NLRC5: variants seen among roughly 807,000 people sequenced by gnomAD.
The protein encoded by NLRC5 is NLR family CARD domain containing 5.
NLRC5 carries 114 observed loss-of-function variants against 206.9 expected under a neutral mutation model. The observed-to-expected ratio is 0.55, with a 90% confidence interval of 0.47 to 0.64. The LOEUF (loss-of-function observed/expected upper bound fraction) is 0.64, where lower values mean the gene tolerates loss of function less well. Among genes scored for constraint, NLRC5 ranks in the 30% least tolerant of loss-of-function variants. NLRC5 has a pLI of 0.00. For missense variants in NLRC5, 2,008 were observed against 2,305.5 expected (o/e 0.87, Z 2.64); for synonymous variants, 952 against 962.8 (o/e 0.99, Z 0.21).
intron 1 of NLRC5, among the ~76,000 whole-genome samples, chr16:57,008,303 G>A (rs781752140): frequency 1.3e-4 from 20 of 151,984 alleles, no homozygotes; most frequent in African/African-American, 3.4e-4. Flanking sequence ...CTTTTTTGTC[G>A]TGAAACATAA....
chr16:57,067,125 G>A (rs2067162157), intron 34 of NLRC5, among the ~76,000 whole-genome samples: 1 of 152,144 alleles, frequency 6.6e-6, no homozygotes, highest in Non-Finnish European at 1.5e-5. Context: ...TACATTCTGG[G>A]AAATAGAGCA....
Position 57,055,074 on chromosome 16 carries a change from G to C in NLRC5, c.3639G>C (p.Glu1213Asp). The change falls in exon 26 of 49, where the codon GAG becomes GAC. Residue 1213 changes from glutamate to aspartate, a missense_variant. By Grantham distance (45) the Glu-to-Asp change is conservative. Transcript: ENST00000688547. Reference protein sequence around the residue: ...HATLHFRSNEEEEGVCCGRFT... With the variant: ...HATLHFRSNEDEEGVCCGRFT... ...CTTTGCACTTCAGATCCAACGAGGA[G>C]GAGGAAGGCGTGTGCTGTGGGTAAG... 6.2e-7 allele frequency: 1 copy of C among 1,614,240 alleles called. No homozygotes were observed.
In NLRC5 at chr16:57,067,803, T is replaced by G. The variant is rs1363229374; in HGVS notation, c.4474T>G (p.Ser1492Ala). The change falls in exon 36 of 49, where the codon TCC becomes GCC. Residue 1492 changes from serine to alanine, a missense_variant. Transcript: ENST00000688547. Reference sequence around the variant, plus strand: ...CCTGCTGCTGCAGAGCCTCCTGCTGTCCCTCTCTGAGCTGAAGACATTTCG... The same window carrying G: ...CCTGCTGCTGCAGAGCCTCCTGCTGGCCCTCTCTGAGCTGAAGACATTTCG... ...SSLLLQSLLL[S>A]LSELKTFRLT... The G allele has an allele frequency of 6.2e-7, 1 of 1,614,022 alleles. No homozygotes were observed. Among genetic ancestry groups the G allele is most frequent in the Non-Finnish European group, 8.5e-7 (1 of 1,179,970 alleles).
intron 47 of NLRC5, 166 bp from the exon 48 acceptor site, chr16:57,081,361 C>A: frequency 1.1e-6 from 1 of 884,530 alleles, no homozygotes; most frequent in Non-Finnish European, 1.8e-6. Flanking sequence ...TTCAGCCTTC[C>A]TGCTGCACCT....
intron 45 of NLRC5, 119 bp downstream of exon 45, chr16:57,079,411 G>T: frequency 1.4e-6 from 2 of 1,387,640 alleles, no homozygotes; most frequent in Non-Finnish European, 2.0e-6. Context: ...GGATGGTGGG[G>T]GCCTGGCTCA....
intron 38 of NLRC5, among the ~76,000 whole-genome samples, chr16:57,072,748 A>G (rs1359026636): frequency 2.0e-5 from 3 of 152,238 alleles, no homozygotes; most frequent in Non-Finnish European, 4.4e-5. Flanking sequence ...AACAAATAAC[A>G]TGAAATGCCC....
intron 1 of NLRC5, among the ~76,000 whole-genome samples, chr16:56,991,678 CTTTTTTTT>C (rs35559322): frequency 9.5e-6 from 1 of 105,648 alleles, no homozygotes; most frequent in African/African-American, 3.7e-5. Context: ...GCCCGGACTC[CTTTTTTTT>C]TTTTTTTTTT....
chr16:56,990,682 A>T (rs1429786902), intron 1 of NLRC5: 2 of 152,174 alleles, frequency 1.3e-5, no homozygotes, highest in Non-Finnish European at 2.9e-5. Context: ...CAGCCTCTAA[A>T]ACCCGGGGGT....
chr16:57,070,654 TG>T (rs779700039), intron 38 of NLRC5, 36 bp downstream of exon 38: 6 of 1,563,596 alleles, frequency 3.8e-6, no homozygotes, highest in African/African-American at 1.5e-5. Flanking sequence ...GAGTGAGTGG[TG>T]GGGGTGGTTA....
At position 57,067,475 on chromosome 16, in the gene NLRC5, G is replaced by C. The variant is rs1407985787; in HGVS notation, c.4406+5G>C. 5 of 1,614,086 alleles carry C rather than the reference G, an allele frequency of 3.1e-6. No homozygotes were observed. The South Asian group carries it at 5.5e-5, about 18-fold the overall frequency. On this transcript the variant is annotated splice_donor_5th_base_variant and intron_variant, in intron 35 of 48. Coordinates refer to ENST00000688547, the MANE Select transcript of NLRC5 (RefSeq NM_001384950.1). ...TGCCAGGCTGCAGCAGCTCAGGTCAGCGCCTGGAAACTCTGTGTGGGGCCC... is the reference window on the plus strand; with the variant it reads ...TGCCAGGCTGCAGCAGCTCAGGTCACCGCCTGGAAACTCTGTGTGGGGCCC...
chr16:56,993,343 C>A (rs1306815311), intron 1 of NLRC5, among the ~76,000 whole-genome samples: 1 of 151,994 alleles, frequency 6.6e-6, no homozygotes, highest in Non-Finnish European at 1.5e-5. Context: ...TAGTATTTCA[C>A]CGTATGACTG....
At chr16:57,007,658 G>A (rs145841500) in intron 1 of NLRC5, among the ~76,000 whole-genome samples, 1 of 152,304 alleles carries the variant, frequency 6.6e-6, no homozygotes, top group East Asian at 1.9e-4. Flanking sequence ...GAACTGGGGA[G>A]GTGGAAGTTG....
intron 1 of NLRC5, among the ~76,000 whole-genome samples, chr16:57,015,925 CAAAAA>C (rs35216159): frequency 5.3e-4 from 21 of 39,652 alleles, no homozygotes; most frequent in South Asian, 4.7e-3. Context: ...AACTCCATCT[CAAAAA>C]AAAAAAAAAA....
chr16:57,080,914 A>G, intron 46 of NLRC5, 184 bp from the exon 47 acceptor site: 1 of 565,662 alleles, frequency 1.8e-6, no homozygotes, highest in Non-Finnish European at 3.1e-6. Flanking sequence ...GGAGGGGAGC[A>G]GGGAGGAAGG....
At chr16:57,035,788 G>A (rs1345369280) in intron 13 of NLRC5, among the ~76,000 whole-genome samples, 3 of 152,196 alleles carry the variant, frequency 2.0e-5, no homozygotes, top group Non-Finnish European at 2.9e-5. Flanking sequence ...TTCAAATCCA[G>A]GTTCTCCCTC....
Position 57,025,433 on chromosome 16 carries a change from C to T in NLRC5, c.490C>T (p.Pro164Ser). 4 of 1,589,228 alleles carry T rather than the reference C, an allele frequency of 2.5e-6. No individual in the cohort carries two copies. The highest frequency in any genetic ancestry group is 3.4e-6 in the Non-Finnish European group (4 of 1,168,876). ...SAQQRYRSQI[P>S]GSGQPHAFHQ... ...CCAGCAGCGCTACAGGAGCCAAATCCCTGGGTCAGGGCAGCCCCACGCCTT... is the reference window on the plus strand; with the variant it reads ...CCAGCAGCGCTACAGGAGCCAAATCTCTGGGTCAGGGCAGCCCCACGCCTT... Residue 164 changes from proline to serine, a missense_variant, in exon 6 of 49, where the codon CCT becomes TCT. Pro to Ser is a moderately conservative substitution (Grantham distance 74). Coordinates refer to ENST00000688547, the MANE Select transcript of NLRC5 (RefSeq NM_001384950.1).
intron 40 of NLRC5, among the ~76,000 whole-genome samples, 170 bp from the exon 41 acceptor site, chr16:57,077,126 A>T (rs2068500907): frequency 6.6e-6 from 1 of 152,244 alleles, no homozygotes; most frequent in Non-Finnish European, 1.5e-5. Context: ...TGGGGAGAAC[A>T]TCCTAAACAG....
At chr16:57,031,043 T>C (rs2061819670) in intron 10 of NLRC5, among the ~76,000 whole-genome samples, 1 of 151,870 alleles carries the variant, frequency 6.6e-6, no homozygotes, top group Non-Finnish European at 1.5e-5. Context: ...GAGGCTGCAG[T>C]GAGGTGTGAA....
intron 21 of NLRC5, 103 bp from the exon 22 acceptor site, chr16:57,046,449 G>T: frequency 1.1e-6 from 1 of 926,614 alleles, no homozygotes; most frequent in South Asian, 1.6e-5. Context: ...TGGGTGATCT[G>T]AACTTTCCTT....
Sources: gnomAD v4.1 joint callset for allele counts (sites outside exome capture counted in the v4.1 genomes callset) on GRCh38, gnomAD v4.1.1 for gene constraint, MANE v1.5 for transcripts, NCBI Gene and HGNC (gene_info 2026-07-23, HGNC 2026-07-21) for gene names.